The following CACNA2D3 variants were observed in gnomAD, a reference collection of about 807,000 sequenced individuals.
CACNA2D3 encodes the protein calcium voltage-gated channel auxiliary subunit alpha2delta 3.
A neutral mutation model predicts 160.6 loss-of-function variants in CACNA2D3; 60 were observed. That is an observed-to-expected ratio of 0.37 (90% CI 0.30 to 0.46). The LOEUF is 0.46. CACNA2D3 is among the 20% of genes least tolerant of loss of function. The pLI, the probability that CACNA2D3 is intolerant of heterozygous loss-of-function variation, is 1.00. For missense variants in CACNA2D3, 1,205 were observed against 1,365.0 expected, an observed-to-expected ratio of 0.88 and a Z score of 1.85; for synonymous variants, 558 against 492.9, an observed-to-expected ratio of 1.13 and a Z score of -1.75.
At chr3:54,750,511 G>T (rs754633406) in intron 11 of CACNA2D3, among the ~76,000 whole-genome samples, 7 of 152,148 alleles carry the variant, frequency 4.6e-5, no homozygotes, top group Non-Finnish European at 8.8e-5. Context: ...AGCTGGTTGG[G>T]ATCTTCTGTA....
intron 2 of CACNA2D3, among the ~76,000 whole-genome samples, chr3:54,164,838 C>T (rs1700419609): frequency 6.6e-6 from 1 of 152,206 alleles, no homozygotes; most frequent in Admixed American, 6.5e-5. Context: ...CACTTCCAGG[C>T]TGTGTGGCCT....
At chr3:54,309,860 A>G (rs1703697449) in intron 2 of CACNA2D3, among the ~76,000 whole-genome samples, 1 of 152,010 alleles carries the variant, frequency 6.6e-6, no homozygotes, top group East Asian at 1.9e-4. Context: ...CTCAAGCCGG[A>G]TCCATTTGCC....
intron 3 of CACNA2D3, among the ~76,000 whole-genome samples, chr3:54,337,700 C>T (rs890699010): frequency 1.7e-4 from 26 of 152,274 alleles, no homozygotes; most frequent in Middle Eastern, 3.4e-3. Flanking sequence ...TTCCGCCATT[C>T]CCTCCTCCTC....
At chr3:54,882,129 C>G (rs1366525362) in intron 21 of CACNA2D3, among the ~76,000 whole-genome samples, 34 of 152,202 alleles carry the variant, frequency 2.2e-4, no homozygotes. Context: ...GCAAGACACT[C>G]TGCAGGATGT....
chr3:54,803,433 T>C (rs1397609439), intron 13 of CACNA2D3, among the ~76,000 whole-genome samples: 2 of 152,144 alleles, frequency 1.3e-5, no homozygotes, highest in East Asian at 3.9e-4. Flanking sequence ...CAGGAGCCGA[T>C]GTGATCAACT....
At chr3:54,843,792 G>C (rs1007981296) in intron 16 of CACNA2D3, among the ~76,000 whole-genome samples, 1 of 152,192 alleles carries the variant, frequency 6.6e-6, no homozygotes, top group Non-Finnish European at 1.5e-5. Context: ...AGCAAACCTG[G>C]AGAAAAACAT....
intron 2 of CACNA2D3, among the ~76,000 whole-genome samples, chr3:54,268,773 C>T (rs537214094): frequency 1.3e-5 from 2 of 152,172 alleles, no homozygotes; most frequent in Non-Finnish European, 2.9e-5. Flanking sequence ...CAGGGTCACC[C>T]AGCTAGTAAG....
chr3:55,042,535 T>C (rs1490833078), intron 35 of CACNA2D3, among the ~76,000 whole-genome samples: 4 of 152,178 alleles, frequency 2.6e-5, no homozygotes, highest in African/African-American at 9.6e-5. Flanking sequence ...ATCTGTGTCT[T>C]TGTATTTAAG....
At chr3:54,142,469 T>C (rs1186180753) in intron 2 of CACNA2D3, among the ~76,000 whole-genome samples, 1 of 152,226 alleles carries the variant, frequency 6.6e-6, no homozygotes, top group Admixed American at 6.5e-5. Flanking sequence ...TCATTATAGC[T>C]GACCTTGATT....
At chr3:54,792,715 C>T (rs1702786157) in intron 13 of CACNA2D3, among the ~76,000 whole-genome samples, 1 of 152,092 alleles carries the variant, frequency 6.6e-6, no homozygotes, top group Non-Finnish European at 1.5e-5. Context: ...AGCTAAAGCC[C>T]TGGTGCCCAC....
intron 27 of CACNA2D3, among the ~76,000 whole-genome samples, chr3:54,908,482 G>A (rs1700491314): frequency 6.6e-6 from 1 of 152,198 alleles, no homozygotes; most frequent in Non-Finnish European, 1.5e-5. Flanking sequence ...TTGGGAGGCT[G>A]AGTCAGGTAG....
At chr3:54,848,805 A>G (rs1440764906) in intron 17 of CACNA2D3, among the ~76,000 whole-genome samples, 6 of 152,186 alleles carry the variant, frequency 3.9e-5, no homozygotes, top group Non-Finnish European at 7.4e-5. Flanking sequence ...CCTGAGCTGC[A>G]CTTTTCTCTT....
chr3:54,243,321 G>A (rs970955612), intron 2 of CACNA2D3, among the ~76,000 whole-genome samples: 6 of 152,236 alleles, frequency 3.9e-5, no homozygotes, highest in African/African-American at 1.4e-4. Context: ...AAATGGAATG[G>A]GTGCCCTTGA....
intron 13 of CACNA2D3, among the ~76,000 whole-genome samples, chr3:54,772,779 A>G (rs1282991335): frequency 3.3e-5 from 5 of 152,240 alleles, no homozygotes; most frequent in African/African-American, 1.2e-4. Context: ...GCAAAAAATC[A>G]TTAACAATGG....
chr3:54,423,271 A>G (rs1699865456), intron 4 of CACNA2D3, among the ~76,000 whole-genome samples: 1 of 152,210 alleles, frequency 6.6e-6, no homozygotes, highest in South Asian at 2.1e-4. Flanking sequence ...GGGGGTAATC[A>G]AAATTGAATT....
intron 11 of CACNA2D3, among the ~76,000 whole-genome samples, chr3:54,676,194 A>G (rs1315188980): frequency 2.0e-5 from 3 of 152,204 alleles, no homozygotes; most frequent in Non-Finnish European, 2.9e-5. Context: ...CAGGCCCTCA[A>G]TAAATCTTAG....
chr3:54,405,306 A>T (rs1699555385), intron 4 of CACNA2D3, among the ~76,000 whole-genome samples: 1 of 150,114 alleles, frequency 6.7e-6, no homozygotes, highest in African/African-American at 2.4e-5. Flanking sequence ...GAGGCTTCAC[A>T]TTTCCTGTTA....
chr3:54,931,996 C>T (rs1290210307), intron 27 of CACNA2D3, among the ~76,000 whole-genome samples: 1 of 152,010 alleles, frequency 6.6e-6, no homozygotes, highest in African/African-American at 2.4e-5. Flanking sequence ...ACCCAGGCAA[C>T]ATGGTTAAAC....
chr3:54,457,924 T>G (rs973088277), intron 4 of CACNA2D3, among the ~76,000 whole-genome samples: 1 of 152,068 alleles, frequency 6.6e-6, no homozygotes, highest in Non-Finnish European at 1.5e-5. Flanking sequence ...AGTTTCTATT[T>G]GTATGGATAT....
Sources: allele counts gnomAD v4.1 joint callset (sites outside exome capture counted in the v4.1 genomes callset), GRCh38; gene constraint gnomAD v4.1.1; transcripts MANE v1.5; gene names NCBI Gene and HGNC (gene_info 2026-07-23, HGNC 2026-07-21).